DENND1A: variants seen among roughly 807,000 people sequenced by gnomAD.
The protein encoded by DENND1A is DENN domain containing 1A, also known as DENN domain-containing protein 1A.
DENND1A carries 51 observed loss-of-function variants against 113.7 expected under a neutral mutation model. The ratio of observed to expected loss-of-function variants is 0.45; its 90% confidence interval spans 0.36 to 0.57. DENND1A has a LOEUF of 0.57. Ranked by LOEUF, DENND1A falls within the 20% of genes least tolerant of loss-of-function variation. The probability of loss-of-function intolerance (pLI) is 0.00; values close to 1 mark genes in which losing one functional copy is unlikely to be tolerated. For synonymous variants in DENND1A, 565 were observed against 570.8 expected (o/e 0.99, Z 0.14); for missense variants, 1,258 against 1,395.9 (o/e 0.90, Z 1.57).
chr9:123,425,369 C>T (rs185082614), intron 19 of DENND1A, among the ~76,000 whole-genome samples: 147 of 152,408 alleles, frequency 9.6e-4, no homozygotes, highest in African/African-American at 3.1e-3. Context: ...CAGAGAAGCC[C>T]CGCTGTCACA....
At chr9:123,872,533 AAAG>A (rs1846806801) in intron 2 of DENND1A, among the ~76,000 whole-genome samples, 1 of 152,140 alleles carries the variant, frequency 6.6e-6, no homozygotes, top group South Asian at 2.1e-4. Flanking sequence ...CACACACACA[AAAG>A]AAGACAATAA....
intron 2 of DENND1A, among the ~76,000 whole-genome samples, chr9:123,828,575 A>G (rs1157697150): frequency 6.6e-6 from 1 of 151,842 alleles, no homozygotes; most frequent in Non-Finnish European, 1.5e-5. Context: ...AGACATTAAC[A>G]CCTACACTAA....
intron 5 of DENND1A, among the ~76,000 whole-genome samples, chr9:123,729,787 G>A (rs546737112): frequency 2.0e-5 from 3 of 152,174 alleles, no homozygotes; most frequent in Non-Finnish European, 4.4e-5. Flanking sequence ...CCAAAAAAGA[G>A]CCTGCATAGC....
At chr9:123,786,002 C>T (rs1225132516) in intron 3 of DENND1A, among the ~76,000 whole-genome samples, 1 of 152,104 alleles carries the variant, frequency 6.6e-6, no homozygotes, top group Non-Finnish European at 1.5e-5. Flanking sequence ...CACCTGAGGT[C>T]AGGAGATGGA....
intron 13 of DENND1A, among the ~76,000 whole-genome samples, chr9:123,522,010 A>G (rs948694350): frequency 3.9e-5 from 6 of 152,226 alleles, no homozygotes; most frequent in Non-Finnish European, 7.3e-5. Flanking sequence ...AATTACATTC[A>G]GGTTAAAACC....
At position 123,383,702 on chromosome 9, in the gene DENND1A, G is replaced by A. The variant is rs201017866; in HGVS notation, c.1972C>T (p.Arg658Cys). The A allele has an allele frequency of 1.7e-5, 28 of 1,614,110 alleles. No homozygotes were observed. The highest frequency in any genetic ancestry group is 2.1e-5 in the Non-Finnish European group (25 of 1,180,028). ...TGCTCCCTCAGGTCTTTGGGGGCAC[G>A]AAGGTCCTCTAAGCTCTTGGCCTGG... Reference protein sequence around the residue: ...LGQAKSLEDLRAPKDLREQPG... With the variant: ...LGQAKSLEDLCAPKDLREQPG... The change falls in exon 23 of 24, where the codon CGT (arginine) becomes TGT (cysteine). Residue 658 changes from arginine (R) to cysteine (C), a missense_variant. Physicochemically the swap from Arg to Cys is radical, Grantham distance 180. This residue lies in a region of DENND1A where 1,159 missense variants were observed against 1,231.7 expected (regional missense o/e 0.94). Coordinates refer to ENST00000394215, the MANE Select transcript of DENND1A (RefSeq NM_001352964.2).
intron 1 of DENND1A, chr9:123,928,960 A>G: frequency 1.1e-6 from 1 of 943,282 alleles, no homozygotes; most frequent in South Asian, 4.9e-5. Flanking sequence ...CAGAGGAAAA[A>G]GTGAACATTT....
rs1424523688 is a variant in DENND1A at position 123,757,898 on chromosome 9, C to T, written c.183-76G>A. 7 of 1,524,976 alleles carry T rather than the reference C, an allele frequency of 4.6e-6. No individual in the cohort carries two copies. In the East Asian group the frequency reaches 1.2e-4, roughly 26 times the overall value. 94.5% of individuals were successfully genotyped at this position (1,524,976 alleles called of 1,614,324 possible). A position where few individuals can be genotyped will look rare whatever the true frequency, so the allele number is the denominator to read the frequency against. On this transcript the variant is annotated intron_variant, in intron 4 of 23. Transcript: ENST00000394215. ...GATAAAGTATCTAATCACAATGAGT[C>T]GTTGAACTTATAACATTTCCTCTCT...
chr9:123,821,964 G>A (rs1838554225), intron 2 of DENND1A, among the ~76,000 whole-genome samples: 1 of 152,172 alleles, frequency 6.6e-6, no homozygotes, highest in Non-Finnish European at 1.5e-5. Context: ...TGGCCTTAAA[G>A]AAGAAAATCA....
chr9:123,636,985 C>T lies in DENND1A; in HGVS notation c.619-6509G>A, dbSNP rs537665348. On this transcript the variant is annotated intron_variant, in intron 9 of 23. Coordinates refer to ENST00000394215, the MANE Select transcript of DENND1A (RefSeq NM_001352964.2). ...GATTATAGGCGTGAGCCACCGCGCC[C>T]GGCCCCAGACATTTAACAAATTGCA... is the stretch of plus-strand genomic sequence containing the variant. Among the ~76,000 whole-genome samples the T allele has an allele frequency of 4.5e-4, 69 of 152,302 alleles. 1 individual carries two copies. Among genetic ancestry groups the T allele is most frequent in the Admixed American group, 1.7e-3 (26 of 15,302 alleles).
At chr9:123,549,467 C>T (rs553837608) in intron 13 of DENND1A, among the ~76,000 whole-genome samples, 1 of 152,040 alleles carries the variant, frequency 6.6e-6, no homozygotes, top group Non-Finnish European at 1.5e-5. Context: ...CTTGAGCCAC[C>T]GCGAGGCTGA....
At chr9:123,482,932 ATGT>A (rs2050469572) in intron 13 of DENND1A, among the ~76,000 whole-genome samples, 1 of 152,160 alleles carries the variant, frequency 6.6e-6, no homozygotes, top group Non-Finnish European at 1.5e-5. Flanking sequence ...TTTTTAGGTC[ATGT>A]TGTCCTAAAG....
intron 11 of DENND1A, among the ~76,000 whole-genome samples, chr9:123,594,018 T>C (rs1160095939): frequency 6.6e-6 from 1 of 152,196 alleles, no homozygotes; most frequent in African/African-American, 2.4e-5. Context: ...TCTACCATGA[T>C]TGCAAGTTTC....
At chr9:123,601,847 A>G (rs1310548224) in intron 11 of DENND1A, among the ~76,000 whole-genome samples, 1 of 152,252 alleles carries the variant, frequency 6.6e-6, no homozygotes, top group Non-Finnish European at 1.5e-5. Context: ...GGTCCCAGTC[A>G]AAGTATACTC....
At chr9:123,745,208 G>C (rs889397297) in intron 5 of DENND1A, among the ~76,000 whole-genome samples, 2 of 152,218 alleles carry the variant, frequency 1.3e-5, no homozygotes, top group Non-Finnish European at 2.9e-5. Context: ...TCTGACACTA[G>C]ACCACACTCT....
At chr9:123,588,638 G>GA (rs1014224664) in intron 11 of DENND1A, among the ~76,000 whole-genome samples, 1 of 133,176 alleles carries the variant, frequency 7.5e-6, no homozygotes, top group Non-Finnish European at 1.6e-5. Flanking sequence ...AAAAAAGGGG[G>GA]GGGGGGAAGA....
At chr9:123,883,748 C>T (rs1376632348) in intron 1 of DENND1A, among the ~76,000 whole-genome samples, 1 of 151,972 alleles carries the variant, frequency 6.6e-6, no homozygotes, top group Non-Finnish European at 1.5e-5. Flanking sequence ...TCTTCTACCA[C>T]TATCTGTAGT....
At chr9:123,442,803 T>C (rs1355929376) in intron 18 of DENND1A, among the ~76,000 whole-genome samples, 1 of 152,234 alleles carries the variant, frequency 6.6e-6, no homozygotes, top group Non-Finnish European at 1.5e-5. Context: ...TCCAAATCAC[T>C]CAACCTCTCT....
In DENND1A at chr9:123,806,546, C is replaced by T. The variant is rs550255255; in HGVS notation, c.89-13916G>A. Among the ~76,000 whole-genome samples the T allele has an allele frequency of 1.7e-3, 258 of 152,246 alleles. 2 individuals carry two copies. Among genetic ancestry groups the T allele is most frequent in the Non-Finnish European group, 3.0e-3 (205 of 68,002 alleles). On this transcript the variant is annotated intron_variant, in intron 2 of 23. Coordinates refer to ENST00000394215, the MANE Select transcript of DENND1A (RefSeq NM_001352964.2). ...TGCTGGGATTACAGGTGTGAGCCAC[C>T]GTGCCCAGCCCTGACATACTGTTAA...
Sources: gnomAD v4.1 joint callset for allele counts (sites outside exome capture counted in the v4.1 genomes callset) on GRCh38, gnomAD v4.1.1 for gene constraint, gnomAD v4.1.1 regional missense constraint, MANE v1.5 for transcripts, NCBI Gene and HGNC (gene_info 2026-07-23, HGNC 2026-07-21) for gene names.